Variants in ZBTB20 observed in about 807,000 individuals in gnomAD.
The protein encoded by ZBTB20 is zinc finger and BTB domain containing 20, also known as zinc finger and BTB domain-containing protein 20.
A neutral mutation model predicts 56.9 loss-of-function variants in ZBTB20; 9 were observed. The observed-to-expected ratio is 0.16, with a 90% confidence interval of 0.10 to 0.28. The LOEUF (loss-of-function observed/expected upper bound fraction) is 0.28. ZBTB20 is among the 10% of genes least tolerant of loss of function. ZBTB20 has a pLI of 1.00. For missense variants in ZBTB20, 655 were observed against 1,003.0 expected (o/e 0.65, Z 4.69); for synonymous variants, 417 against 420.7 (o/e 0.99, Z 0.11).
chr3:115,057,394 T>A (rs1560533283), intron 2 of ZBTB20, among the ~76,000 whole-genome samples: 1 of 152,120 alleles, frequency 6.6e-6, no homozygotes, highest in African/African-American at 2.4e-5. Flanking sequence ...TATGTAACTT[T>A]TAACTTATCA....
chr3:114,337,655 C>T lies in ZBTB20; in HGVS notation c.*1350G>A, dbSNP rs1576214244. 1 of 152,084 alleles carries T rather than the reference C, an allele frequency of 6.6e-6. No homozygotes were observed. Among genetic ancestry groups the T allele is most frequent in the African/African-American group, 2.4e-5 (1 of 41,506 alleles). The allele number at this position is 152,084 out of a possible 1,614,324, so 9.4% of individuals were successfully genotyped here. On this transcript the variant is annotated 3_prime_UTR_variant, in exon 12 of 12. Coordinates refer to ENST00000675478, the MANE Select transcript of ZBTB20 (RefSeq NM_001348800.3). Reference sequence around the variant, plus strand: ...ATGGGCTGGCCACAGAGGCCCTCATCAACCCAGGCAATACTTAAAATAATA... The same window carrying T: ...ATGGGCTGGCCACAGAGGCCCTCATTAACCCAGGCAATACTTAAAATAATA...
chr3:114,910,539 T>C (rs1050567225), intron 3 of ZBTB20, among the ~76,000 whole-genome samples: 2 of 151,936 alleles, frequency 1.3e-5, no homozygotes, highest in Admixed American at 6.6e-5. Context: ...AGGTACAAGC[T>C]AGCCAAAAGA....
At position 115,131,150 on chromosome 3, in the gene ZBTB20, T is replaced by C. The variant is rs550017719; in HGVS notation, c.-703+16069A>G. 2.6e-5 allele frequency among the ~76,000 whole-genome samples: 4 copies of C among 152,316 alleles called. No individual in the cohort carries two copies. The South Asian group carries it at 8.3e-4, about 32-fold the overall frequency. On this transcript the variant is annotated intron_variant, in intron 1 of 11. Coordinates refer to ENST00000675478, the MANE Select transcript of ZBTB20 (RefSeq NM_001348800.3). Reference sequence around the variant, plus strand: ...TTTTGAACATGTTTTTAGCACAACTTTTCTTTTCCTTTATTTCTTGGGTAT... The same window carrying C: ...TTTTGAACATGTTTTTAGCACAACTCTTCTTTTCCTTTATTTCTTGGGTAT...
At chr3:115,048,845 A>C (rs908264933) in intron 2 of ZBTB20, among the ~76,000 whole-genome samples, 2 of 152,132 alleles carry the variant, frequency 1.3e-5, no homozygotes, top group African/African-American at 4.8e-5. Context: ...GATATATAAA[A>C]GAGTATTTAT....
chr3:114,792,691 G>A lies in ZBTB20; in HGVS notation c.-343+8410C>T, dbSNP rs1290282924. Among the ~76,000 whole-genome samples, 4 of 152,082 alleles carry A rather than the reference G, an allele frequency of 2.6e-5. No individual in the cohort carries two copies. In the East Asian group the frequency reaches 7.7e-4, roughly 29 times the overall value. On this transcript the variant is annotated intron_variant, in intron 5 of 11. Coordinates refer to ENST00000675478, the MANE Select transcript of ZBTB20 (RefSeq NM_001348800.3). ...CAGTGCTCCTAAAGTTGGCACACAT[G>A]GAAGGTAATTCAGGGTTATGTTTGC... is the stretch of plus-strand genomic sequence containing the variant.
intron 3 of ZBTB20, among the ~76,000 whole-genome samples, chr3:114,951,476 T>G (rs1182836968): frequency 6.6e-6 from 1 of 152,116 alleles, no homozygotes; most frequent in Non-Finnish European, 1.5e-5. Context: ...GATCTGATGT[T>G]AATCAGCATA....
intron 3 of ZBTB20, among the ~76,000 whole-genome samples, chr3:114,925,904 G>C (rs1486106451): frequency 1.3e-5 from 2 of 152,154 alleles, no homozygotes; most frequent in African/African-American, 4.8e-5. Context: ...TGGACAATGT[G>C]TTACATTGAG....
At chr3:114,555,319 G>A (rs1473298533) in intron 6 of ZBTB20, among the ~76,000 whole-genome samples, 2 of 152,054 alleles carry the variant, frequency 1.3e-5, no homozygotes, top group African/African-American at 4.8e-5. Flanking sequence ...GTGTAAATGG[G>A]ATGTTTACTG....
chr3:115,130,932 T>G (rs1018631215), intron 1 of ZBTB20, among the ~76,000 whole-genome samples: 12 of 152,210 alleles, frequency 7.9e-5, no homozygotes, highest in African/African-American at 1.4e-4. Context: ...CAGATAATTT[T>G]GAATTTTTAG....
Position 114,351,155 on chromosome 3 carries a change from G to T in ZBTB20, c.923C>A (p.Thr308Asn), listed in dbSNP as rs758482742. 6.2e-7 allele frequency: 1 copy of T among 1,603,730 alleles called. No homozygotes were observed. Among genetic ancestry groups the T allele is most frequent in the Non-Finnish European group, 8.5e-7 (1 of 1,179,786 alleles). The stretch of plus-strand genomic sequence containing the variant: ...CCGGGGCTGCTTGCGGCAGTGCGTG[G>T]TCTCGGGGGTGGTGGACAGGTAGCG... The part of the protein sequence containing the change: ...MERYLSTTPE[T>N]THCRKQPRPV... Residue 308 changes from threonine to asparagine, a missense_variant, in exon 11 of 12, where the codon ACC (threonine) becomes AAC (asparagine). Around this residue, in one of 10 missense-constraint regions of ZBTB20, gnomAD observed 167 missense variants for 281.9 expected, o/e 0.59. Coordinates refer to ENST00000675478, the MANE Select transcript of ZBTB20 (RefSeq NM_001348800.3).
intron 4 of ZBTB20, among the ~76,000 whole-genome samples, chr3:114,854,929 A>T (rs2075174900): frequency 6.6e-6 from 1 of 152,198 alleles, no homozygotes; most frequent in Non-Finnish European, 1.5e-5. Context: ...TTCCTTGACT[A>T]ATCTTATAGT....
intron 6 of ZBTB20, among the ~76,000 whole-genome samples, chr3:114,647,847 A>G (rs1560082146): frequency 6.6e-6 from 1 of 152,204 alleles, no homozygotes; most frequent in Non-Finnish European, 1.5e-5. Flanking sequence ...ATAAATAATC[A>G]GGTGATACTT....
chr3:114,753,324 C>A (rs2067714514), intron 5 of ZBTB20, among the ~76,000 whole-genome samples: 3 of 117,266 alleles, frequency 2.6e-5, no homozygotes, highest in Non-Finnish European at 3.5e-5. Flanking sequence ...TATATGTATA[C>A]CTGTATATAT....
intron 2 of ZBTB20, among the ~76,000 whole-genome samples, chr3:114,995,379 A>G (rs752044521): frequency 2.0e-4 from 30 of 151,946 alleles, no homozygotes; most frequent in Non-Finnish European, 3.5e-4. Context: ...GTGAGTTTTC[A>G]AAAGCTTCAT....
intron 7 of ZBTB20, among the ~76,000 whole-genome samples, chr3:114,438,901 A>G (rs1214153205): frequency 6.6e-6 from 1 of 152,128 alleles, no homozygotes; most frequent in African/African-American, 2.4e-5. Context: ...GTTTTTACCA[A>G]GGTATTCCAG....
chr3:114,475,456 T>C (rs190887906), intron 7 of ZBTB20, among the ~76,000 whole-genome samples: 1 of 152,310 alleles, frequency 6.6e-6, no homozygotes, highest in East Asian at 1.9e-4. Flanking sequence ...CAGTGCCAAG[T>C]ATACAAGTGC....
chr3:114,347,596 A>G (rs1353052751), intron 11 of ZBTB20, among the ~76,000 whole-genome samples: 1 of 152,216 alleles, frequency 6.6e-6, no homozygotes, highest in East Asian at 1.9e-4. Flanking sequence ...GCTACAATGA[A>G]CCCAGGTCTT....
chr3:114,729,090 TA>T (rs1407706653), intron 5 of ZBTB20, among the ~76,000 whole-genome samples: 6 of 151,486 alleles, frequency 4.0e-5, no homozygotes, highest in African/African-American at 7.3e-5. Context: ...AAATAAAAAA[TA>T]AAAAAACTGA....
At position 114,949,930 on chromosome 3, in the gene ZBTB20, G is replaced by C. The variant is rs77284025; in HGVS notation, c.-456+24436C>G. On this transcript the variant is annotated intron_variant, in intron 3 of 11. Coordinates refer to ENST00000675478, the MANE Select transcript of ZBTB20 (RefSeq NM_001348800.3). ...CAGAAACAAACCCAACTGGAAAATG[G>C]ACAATACCTTTCAACATGCACATCA... 4.6e-5 allele frequency among the ~76,000 whole-genome samples: 7 copies of C among 152,142 alleles called. No individual in the cohort carries two copies. The East Asian group carries it at 1.4e-3, about 29-fold the overall frequency.
Sources: allele counts gnomAD v4.1 joint callset (sites outside exome capture counted in the v4.1 genomes callset), GRCh38; gene constraint gnomAD v4.1.1; regional missense constraint gnomAD v4.1.1; transcripts MANE v1.5; gene names NCBI Gene and HGNC (gene_info 2026-07-23, HGNC 2026-07-21).